The following CSMD1 variants were observed in gnomAD, a reference collection of about 807,000 sequenced individuals.
CSMD1 encodes the protein CUB and Sushi multiple domains 1.
CSMD1 carries 213 observed loss-of-function variants against 417.5 expected under a neutral mutation model. That is an observed-to-expected ratio of 0.51 (90% CI 0.46 to 0.57). The LOEUF (loss-of-function observed/expected upper bound fraction) is 0.57, where lower values mean the gene tolerates loss of function less well. Ranked by LOEUF, CSMD1 falls within the 20% of genes least tolerant of loss-of-function variation. The pLI is 0.00. For synonymous variants in CSMD1, 2,862 were observed against 1,736.8 expected (o/e 1.65, Z -16.11); for missense variants, 6,923 against 4,529.7 (o/e 1.53, Z -15.17).
chr8:3,550,750 A>C (rs1280718016), intron 10 of CSMD1, among the ~76,000 whole-genome samples: 3 of 152,194 alleles, frequency 2.0e-5, no homozygotes, highest in Non-Finnish European at 4.4e-5. Flanking sequence ...CTTCATGGCC[A>C]ACCAGGCTTG....
intron 25 of CSMD1, among the ~76,000 whole-genome samples, chr8:3,302,805 T>C (rs1294096566): frequency 6.6e-6 from 1 of 152,202 alleles, no homozygotes; most frequent in Admixed American, 6.5e-5. Context: ...CCATGGCAGC[T>C]GAAATGTGAG....
intron 2 of CSMD1, among the ~76,000 whole-genome samples, chr8:4,473,593 C>G (rs1216678820): frequency 1.3e-5 from 2 of 152,186 alleles, no homozygotes; most frequent in Non-Finnish European, 2.9e-5. Context: ...CAAATACGGA[C>G]AAGATGACAT....
At chr8:3,396,930 A>T (rs1228096834) in intron 16 of CSMD1, among the ~76,000 whole-genome samples, 9 of 152,170 alleles carry the variant, frequency 5.9e-5, no homozygotes, top group Non-Finnish European at 1.2e-4. Flanking sequence ...CTTTCAAGAC[A>T]TTAGAACAAC....
intron 1 of CSMD1, among the ~76,000 whole-genome samples, chr8:4,932,431 C>T (rs1424693262): frequency 1.3e-5 from 2 of 151,990 alleles, no homozygotes; most frequent in African/African-American, 2.4e-5. Context: ...CGAAGACTTC[C>T]AAAATCTTTC....
chr8:4,522,182 T>A (rs1469773404), intron 2 of CSMD1, among the ~76,000 whole-genome samples: 1 of 152,112 alleles, frequency 6.6e-6, no homozygotes, highest in African/African-American at 2.4e-5. Context: ...TGAATGAGTC[T>A]CGTGAGAGCT....
intron 37 of CSMD1, among the ~76,000 whole-genome samples, chr8:3,171,910 T>A (rs1164902209): frequency 2.0e-5 from 3 of 152,202 alleles, no homozygotes; most frequent in Admixed American, 6.5e-5. Context: ...GTCTCTATAT[T>A]TGGGTTCAGA....
intron 1 of CSMD1, among the ~76,000 whole-genome samples, chr8:4,937,931 T>C (rs1016904859): frequency 1.3e-5 from 2 of 152,210 alleles, no homozygotes; most frequent in Non-Finnish European, 2.9e-5. Context: ...TACCTACTTA[T>C]CTAAATTTTG....
chr8:4,991,372 A>T (rs1234167768), intron 1 of CSMD1, among the ~76,000 whole-genome samples: 1 of 152,248 alleles, frequency 6.6e-6, no homozygotes, highest in Non-Finnish European at 1.5e-5. Flanking sequence ...CCAACGCTTT[A>T]TTGAAGAGTA....
chr8:3,272,681 C>A (rs1309245711), intron 26 of CSMD1, among the ~76,000 whole-genome samples: 1 of 139,352 alleles, frequency 7.2e-6, no homozygotes, highest in East Asian at 2.1e-4. Context: ...GTATTTTATT[C>A]TCTTCGAAGC....
chr8:4,765,634 C>T (rs10098840), intron 1 of CSMD1, among the ~76,000 whole-genome samples: 1 of 152,094 alleles, frequency 6.6e-6, no homozygotes, highest in East Asian at 1.9e-4. Context: ...AGGCAGAAAA[C>T]TGCTCACTAA....
At chr8:3,648,189 G>A (rs1797671344) in intron 7 of CSMD1, among the ~76,000 whole-genome samples, 1 of 152,164 alleles carries the variant, frequency 6.6e-6, no homozygotes, top group Non-Finnish European at 1.5e-5. Flanking sequence ...ATGTACATAT[G>A]TGTATATTAC....
intron 3 of CSMD1, among the ~76,000 whole-genome samples, chr8:4,158,134 G>A (rs539804950): frequency 6.7e-6 from 1 of 149,510 alleles, no homozygotes; most frequent in South Asian, 2.1e-4. Context: ...TGCAGTCCCT[G>A]AGGTCAGACC....
At chr8:4,322,764 G>A (rs918673351) in intron 3 of CSMD1, among the ~76,000 whole-genome samples, 2 of 152,230 alleles carry the variant, frequency 1.3e-5, no homozygotes, top group African/African-American at 4.8e-5. Context: ...GAAGGCAGAG[G>A]TAGGCGGATC....
At chr8:3,904,348 T>A (rs375036567) in intron 5 of CSMD1, among the ~76,000 whole-genome samples, 1 of 152,150 alleles carries the variant, frequency 6.6e-6, no homozygotes, top group African/African-American at 2.4e-5. Flanking sequence ...ATAGAAAATA[T>A]GTGACAGATT....
chr8:3,670,435 C>T lies in CSMD1; in HGVS notation c.1009+37979G>A, dbSNP rs116744775. ...TGTGAGTTAAAACCTAATAAACTCC[C>T]CTTTATATATATATAAATATCCCAT... is the stretch of plus-strand genomic sequence containing the variant. On this transcript the variant is annotated intron_variant, in intron 7 of 69. Transcript: ENST00000635120. Among the ~76,000 whole-genome samples the T allele has an allele frequency of 4.1e-3, 610 of 149,656 alleles. 3 individuals are homozygous for T. Among genetic ancestry groups the T allele is most frequent in the African/African-American group, 0.013 (545 of 40,642 alleles).
At chr8:3,100,928 C>T (rs893211140) in intron 46 of CSMD1, among the ~76,000 whole-genome samples, 1 of 152,070 alleles carries the variant, frequency 6.6e-6, no homozygotes, top group Admixed American at 6.5e-5. Context: ...CTGCTATTAT[C>T]CAGCACATAT....
chr8:3,981,231 A>G (rs939710329), intron 5 of CSMD1, among the ~76,000 whole-genome samples: 1 of 152,220 alleles, frequency 6.6e-6, no homozygotes, highest in African/African-American at 2.4e-5. Context: ...TTCTAAGTGA[A>G]GTAACTCAGG....
rs150160184 is a variant in CSMD1 at position 3,752,755 on chromosome 8, G to A, written c.931+1175C>T. Among the ~76,000 whole-genome samples the A allele has an allele frequency of 3.6e-3, 543 of 150,356 alleles. 11 individuals carry two copies. The East Asian group carries it at 0.053, about 15-fold the overall frequency. On this transcript the variant is annotated intron_variant, in intron 6 of 69. Coordinates refer to ENST00000635120, the MANE Select transcript of CSMD1 (RefSeq NM_033225.6). ...CCTGGATTCTGAGGCAGGAAGTTCTGCGTACATCATGTGCCCCAGGGACTG... is the reference window on the plus strand; with the variant it reads ...CCTGGATTCTGAGGCAGGAAGTTCTACGTACATCATGTGCCCCAGGGACTG...
intron 3 of CSMD1, among the ~76,000 whole-genome samples, chr8:4,277,906 C>A (rs1273829951): frequency 6.6e-6 from 1 of 151,984 alleles, no homozygotes; most frequent in Non-Finnish European, 1.5e-5. Flanking sequence ...CACCACCATC[C>A]CCGGCTAATT....
Sources: gnomAD v4.1 joint callset for allele counts (sites outside exome capture counted in the v4.1 genomes callset) on GRCh38, gnomAD v4.1.1 for gene constraint, MANE v1.5 for transcripts, NCBI Gene and HGNC (gene_info 2026-07-23, HGNC 2026-07-21) for gene names.